Variants in OPA3 observed in about 807,000 individuals in gnomAD.
OPA3 encodes outer mitochondrial membrane lipid metabolism regulator OPA3.
Under a neutral mutation model 4.0 loss-of-function variants are expected in OPA3, and 6 were observed. That is an observed-to-expected ratio of 1.51 (90% confidence interval 0.83 to 2.99). The LOEUF (loss-of-function observed/expected upper bound fraction) is 2.99. OPA3 is among the 30% of genes most tolerant of loss of function. OPA3 has a pLI of 0.00. For synonymous variants in OPA3, 105 were observed against 117.1 expected (o/e 0.90, Z 0.67); for missense variants, 235 against 256.2 (o/e 0.92, Z 0.56).
intron 1 of OPA3, among the ~76,000 whole-genome samples, chr19:45,582,668 T>C (rs530287061): frequency 1.3e-5 from 2 of 151,562 alleles, no homozygotes; most frequent in African/African-American, 4.8e-5. Flanking sequence ...AGTCAGTTCC[T>C]GGGTTGGGGG....
rs571823005 is a variant in OPA3 at position 45,580,149 on chromosome 19, A to T, written c.142+4474T>A. 2.8e-3 allele frequency among the ~76,000 whole-genome samples: 425 copies of T among 151,112 alleles called. 3 individuals carry two copies. Among genetic ancestry groups the T allele is most frequent in the Non-Finnish European group, 4.9e-3 (330 of 67,832 alleles). On this transcript the variant is annotated intron_variant, in intron 1 of 1. Coordinates refer to ENST00000263275, the MANE Select transcript of OPA3 (RefSeq NM_025136.4). ...GTAGCTGGGATTACAGGCGCGTGCCACCACGCCCAGCTAATTTTTGTATTT... is the reference window on the plus strand; with the variant it reads ...GTAGCTGGGATTACAGGCGCGTGCCTCCACGCCCAGCTAATTTTTGTATTT...
Position 45,553,761 on chromosome 19 carries a change from A to C in OPA3, c.293T>G (p.Val98Gly), listed in dbSNP as rs967310075. 2 of 1,612,554 alleles carry C rather than the reference A, an allele frequency of 1.2e-6. No homozygotes were observed. The highest frequency in any genetic ancestry group is 1.7e-5 in the Admixed American group (1 of 59,964). The stretch of plus-strand genomic sequence containing the variant: ...CGCCTGGTGGCGCCAGTACTCCAGC[A>C]CTAGGCAGCCGCCGCCCACGATGAA... ...TIFIVGGGCL[V>G]LEYWRHQAQQ... The change falls in exon 2 of 2, where the codon GTG becomes GGG. Residue 98 changes from valine to glycine, a missense_variant. Physicochemically the swap from Val to Gly is moderately radical, Grantham distance 109 (BLOSUM62 -3). Transcript: ENST00000263275.
At chr19:45,569,688 C>T (rs1057241443) in intron 1 of OPA3, among the ~76,000 whole-genome samples, 1 of 152,024 alleles carries the variant, frequency 6.6e-6, no homozygotes, top group Non-Finnish European at 1.5e-5. Context: ...GGATTTTCCT[C>T]CTTGAAGCGT....
chr19:45,567,134 G>A (rs1046705510), intron 1 of OPA3, among the ~76,000 whole-genome samples: 2 of 151,992 alleles, frequency 1.3e-5, no homozygotes, highest in African/African-American at 4.8e-5. Flanking sequence ...GGGCCCATGA[G>A]TTCAAGACCA....
At chr19:45,565,382 C>A (rs933793987) in intron 1 of OPA3, among the ~76,000 whole-genome samples, 1 of 152,030 alleles carries the variant, frequency 6.6e-6, no homozygotes, top group Non-Finnish European at 1.5e-5. Flanking sequence ...GTAATCCCAG[C>A]GCTTTGGGAG....
Position 45,552,390 on chromosome 19 carries a change from T to G in OPA3, c.*1124A>C. On this transcript the variant is annotated 3_prime_UTR_variant, in exon 2 of 2. Coordinates refer to ENST00000263275, the MANE Select transcript of OPA3 (RefSeq NM_025136.4). ...GCCCAGCTAATTTATGTATTTTTAGTAGAGACGGGGTTTCATCATATTGGT... is the reference window on the plus strand; with the variant it reads ...GCCCAGCTAATTTATGTATTTTTAGGAGAGACGGGGTTTCATCATATTGGT... 6.1e-6 allele frequency: 1 copy of G among 164,562 alleles called. No homozygotes were observed. The highest frequency in any genetic ancestry group is 1.3e-5 in the Non-Finnish European group (1 of 79,830). 10.2% of individuals were successfully genotyped at this position (164,562 alleles called of 1,614,324 possible).
In OPA3 at chr19:45,549,987, G is replaced by A. The variant is rs1479484807; in HGVS notation, c.*3527C>T. The stretch of plus-strand genomic sequence containing the variant: ...AGCCTGGGCAACTTGGAGAAACCCC[G>A]TCTCCACTAAAATACAAAAATTAGC... On this transcript the variant is annotated 3_prime_UTR_variant, in exon 2 of 2. Transcript: ENST00000263275. The A allele has an allele frequency of 1.4e-5, 9 of 627,620 alleles. 1 individual carries two copies. In the South Asian group the frequency reaches 2.1e-4, roughly 15 times the overall value. The allele number at this position is 627,620 out of a possible 1,614,324, so 38.9% of individuals were successfully genotyped here.
At chr19:45,543,901 G>C (rs1297370494), downstream of OPA3, among the ~76,000 whole-genome samples, 1 of 152,172 alleles carries the variant, frequency 6.6e-6, no homozygotes, top group Non-Finnish European at 1.5e-5. Context: ...CCTCCAGTGA[G>C]CTACCTGATA....
At chr19:45,559,649 C>T (rs1203401330) in intron 1 of OPA3, among the ~76,000 whole-genome samples, 2 of 151,852 alleles carry the variant, frequency 1.3e-5, no homozygotes, top group African/African-American at 2.4e-5. Flanking sequence ...GTGATCCACC[C>T]GCCTCAGCCT....
At chr19:45,555,252 TG>T (rs1969403349) in intron 1 of OPA3, among the ~76,000 whole-genome samples, 1 of 152,248 alleles carries the variant, frequency 6.6e-6, no homozygotes, top group Non-Finnish European at 1.5e-5. Context: ...GATGGAATTC[TG>T]TGGGTATGTG....
rs895258547 is a variant in OPA3 at position 45,549,666 on chromosome 19, G to C, written c.*3848C>G. 1 of 857,058 alleles carries C rather than the reference G, an allele frequency of 1.2e-6. No individual in the cohort carries two copies. Among genetic ancestry groups the C allele is most frequent in the African/African-American group, 1.8e-5 (1 of 54,362 alleles). 53.1% of individuals were successfully genotyped at this position (857,058 alleles called of 1,614,324 possible). A position where few individuals can be genotyped will look rare whatever the true frequency, so the allele number is the denominator to read the frequency against. ...GGCTAATTTTTGTATTTTTAGTAGAGACGGGGTTTTGCCATGTTGGCCAGG... is the reference window on the plus strand; with the variant it reads ...GGCTAATTTTTGTATTTTTAGTAGACACGGGGTTTTGCCATGTTGGCCAGG... On this transcript the variant is annotated 3_prime_UTR_variant, in exon 2 of 2. Coordinates refer to ENST00000263275, the MANE Select transcript of OPA3 (RefSeq NM_025136.4).
intron 1 of OPA3, among the ~76,000 whole-genome samples, chr19:45,582,089 G>A (rs1448545520): frequency 6.6e-6 from 1 of 151,830 alleles, no homozygotes; most frequent in African/African-American, 2.4e-5. Context: ...GAGCCACCGC[G>A]CCCCAGCCAG....
intron 1 of OPA3, among the ~76,000 whole-genome samples, chr19:45,558,095 A>T (rs922902662): frequency 2.0e-5 from 3 of 152,182 alleles, no homozygotes; most frequent in Admixed American, 6.5e-5. Flanking sequence ...GCGCTTTGGG[A>T]GGCTGAGACA....
chr19:45,545,430 C>T (rs1023721446), downstream of OPA3, among the ~76,000 whole-genome samples: 1 of 151,792 alleles, frequency 6.6e-6, no homozygotes, highest in Non-Finnish European at 1.5e-5. Flanking sequence ...ACTCTGGAGG[C>T]TGACATGGGA....
Position 45,553,377 on chromosome 19 carries a change from G to T in OPA3, c.*137C>A. The T allele has an allele frequency of 1.3e-6, 2 of 1,570,868 alleles. No homozygotes were observed. Among genetic ancestry groups the T allele is most frequent in the South Asian group, 2.3e-5 (2 of 87,276 alleles). On this transcript the variant is annotated 3_prime_UTR_variant, in exon 2 of 2. Coordinates refer to ENST00000263275, the MANE Select transcript of OPA3 (RefSeq NM_025136.4). ...TGGCAGGTAACGGCTGCTCTTATCA[G>T]CAGGGGTAACCAAATGCCAAGTTGC... is the stretch of plus-strand genomic sequence containing the variant.
chr19:45,529,102 C>T (rs1487028414), exon 2 of OPA3: 2 of 1,602,154 alleles, frequency 1.2e-6, no homozygotes, highest in Admixed American at 3.4e-5. Context: ...CGGCGGGTCT[C>T]GGAGGCAGAG....
At chr19:45,531,472 GAC>G (rs1969060935) in intron 1 of OPA3, among the ~76,000 whole-genome samples, 2 of 152,106 alleles carry the variant, frequency 1.3e-5, no homozygotes, top group South Asian at 2.1e-4. Context: ...AACAGTTGTG[GAC>G]ACACTAGCTG....
intron 1 of OPA3, among the ~76,000 whole-genome samples, chr19:45,563,671 T>C (rs1035797886): frequency 6.6e-6 from 1 of 151,608 alleles, no homozygotes; most frequent in African/African-American, 2.4e-5. Context: ...TCCTCCCACC[T>C]CAGCCTCCCA....
chr19:45,569,576 G>A (rs565460867), intron 1 of OPA3, among the ~76,000 whole-genome samples: 4 of 152,184 alleles, frequency 2.6e-5, no homozygotes, highest in African/African-American at 4.8e-5. Flanking sequence ...GAGTTTAGAA[G>A]CCGATACTCA....
Sources: gnomAD v4.1 joint callset for allele counts (sites outside exome capture counted in the v4.1 genomes callset) on GRCh38, gnomAD v4.1.1 for gene constraint, MANE v1.5 for transcripts, NCBI Gene and HGNC (gene_info 2026-07-23, HGNC 2026-07-21) for gene names.